The following COG6 variants were observed in gnomAD, a reference collection of about 807,000 sequenced individuals.
COG6 encodes the protein conserved oligomeric Golgi complex subunit 6.
COG6 carries 74 observed loss-of-function variants against 88.8 expected under a neutral mutation model. The observed-to-expected ratio is 0.83, with a 90% confidence interval of 0.69 to 1.01. The LOEUF is 1.01. Among genes scored for constraint, COG6 ranks in the 50% least tolerant of loss-of-function variants. The pLI is 0.00. For synonymous variants in COG6, 286 were observed against 278.7 expected (o/e 1.03, Z -0.26); for missense variants, 800 against 797.9 (o/e 1.00, Z -0.03).
intron 15 of COG6, among the ~76,000 whole-genome samples, chr13:39,722,310 TAA>T (rs558688717): frequency 4.9e-5 from 7 of 144,248 alleles, no homozygotes; most frequent in Non-Finnish European, 7.6e-5. Flanking sequence ...GGCATTTATT[TAA>T]AAAAAAAAAA....
intron 13 of COG6, among the ~76,000 whole-genome samples, chr13:39,716,281 C>T (rs1203723233): frequency 6.6e-6 from 1 of 151,920 alleles, no homozygotes; most frequent in African/African-American, 2.4e-5. Flanking sequence ...TCTGTTTTGT[C>T]TGATATTAGT....
At chr13:39,718,841 G>T (rs4294679) in intron 13 of COG6, among the ~76,000 whole-genome samples, 39,725 of 151,890 alleles carry the variant, frequency 0.26, 5,296 homozygotes, top group African/African-American at 0.33. Flanking sequence ...GGGCCTGAGA[G>T]TAGGTGACGT....
Position 39,689,756 on chromosome 13 carries a change from T to A in COG6, c.1010-4T>A. The A allele has an allele frequency of 6.3e-7, 1 of 1,597,888 alleles. No homozygotes were observed. The highest frequency in any genetic ancestry group is 1.7e-5 in the Admixed American group (1 of 59,850). ...AATATTAATTATGTAGTCATTAATT[T>A]TAGGTGTTGAAGAAAATATTCAAGA... On this transcript the variant is annotated splice_polypyrimidine_tract_variant and splice_region_variant and intron_variant, in intron 10 of 18. Transcript: ENST00000455146.
At chr13:39,737,728 C>T (rs770953040) in intron 18 of COG6, among the ~76,000 whole-genome samples, 2 of 151,994 alleles carry the variant, frequency 1.3e-5, no homozygotes, top group Non-Finnish European at 2.9e-5. Flanking sequence ...GAAGCTTGCC[C>T]AGGAATTAGA....
At chr13:39,733,419 G>A (rs534847470) in intron 18 of COG6, among the ~76,000 whole-genome samples, 108 of 152,090 alleles carry the variant, frequency 7.1e-4, no homozygotes, top group African/African-American at 2.4e-3. Context: ...TCAAACTCCT[G>A]ACCTTGTGAT....
chr13:39,694,561 A>AT, intron 11 of COG6, 73 bp from the exon 12 acceptor site: 1 of 899,664 alleles, frequency 1.1e-6, no homozygotes, highest in South Asian at 1.4e-5. Context: ...TATGCTATTC[A>AT]TACCATATGT....
At chr13:39,756,396 G>A (rs1880835410), downstream of COG6, among the ~76,000 whole-genome samples, 1 of 152,048 alleles carries the variant, frequency 6.6e-6, no homozygotes. Flanking sequence ...AGAGGCCTGT[G>A]GAGCACCGTC....
intron 11 of COG6, among the ~76,000 whole-genome samples, chr13:39,693,178 A>G (rs1203517605): frequency 6.6e-6 from 1 of 151,766 alleles, no homozygotes; most frequent in Non-Finnish European, 1.5e-5. Flanking sequence ...TCTCTGTTGT[A>G]TTTTGTATTG....
Position 39,699,538 on chromosome 13 carries a change from A to G in COG6, c.1204A>G (p.Thr402Ala), listed in dbSNP as rs375104118. The change falls in exon 13 of 19, where the codon ACC (threonine) becomes GCC (alanine). Residue 402 changes from threonine to alanine, a missense_variant. By Grantham distance (58) the Thr-to-Ala change is moderately conservative. Transcript: ENST00000455146. ...VGNSATALLT[T>A]IEEMHLLSKK... ...AAATAGTGCAACTGCATTATTGACTACCATTGAAGAAATGCATTTGCTAAG... is the reference window on the plus strand; with the variant it reads ...AAATAGTGCAACTGCATTATTGACTGCCATTGAAGAAATGCATTTGCTAAG... The G allele has an allele frequency of 1.2e-5, 19 of 1,595,066 alleles. No homozygotes were observed. The African/African-American group carries it at 2.0e-4, about 17-fold the overall frequency.
chr13:39,751,998 C>A lies in COG6; in HGVS notation c.*905C>A. Reference sequence around the variant, plus strand: ...ACTCAAACATTGGAGAAAAAAACTGCCAGAGGAGGAGTTGCCAATTGGCAG... The same window carrying A: ...ACTCAAACATTGGAGAAAAAAACTGACAGAGGAGGAGTTGCCAATTGGCAG... On this transcript the variant is annotated 3_prime_UTR_variant, in exon 19 of 19. Transcript: ENST00000455146. 8.0e-7 allele frequency: 1 copy of A among 1,246,074 alleles called. No homozygotes were observed. The highest frequency in any genetic ancestry group is 1.1e-6 in the Non-Finnish European group (1 of 951,250). The allele number at this position is 1,246,074 out of a possible 1,614,324, so 77.2% of individuals were successfully genotyped here.
At position 39,679,609 on chromosome 13, in the gene COG6, A is replaced by G. The variant is rs1440394737; in HGVS notation, c.612A>G (p.Gln204=). Residue 204 remains glutamine, a synonymous_variant, in exon 6 of 19, where the codon CAA becomes CAG. Transcript: ENST00000455146. ...NDVKVLLRTN[Q]QTAGLEIMEQ... is the part of the protein sequence containing the mutation. The stretch of plus-strand genomic sequence containing the variant: ...TCAAAGTTCTCTTGCGTACAAATCA[A>G]CAAACGGCAGGGTGAGTAACTGCTC... 1.3e-6 allele frequency: 2 copies of G among 1,599,958 alleles called. No individual in the cohort carries two copies. Among genetic ancestry groups the G allele is most frequent in the Non-Finnish European group, 1.7e-6 (2 of 1,167,318 alleles).
chr13:39,791,535 G>A (rs1881937989), exon 19 of COG6: 2 of 151,588 alleles, frequency 1.3e-5, no homozygotes, highest in Non-Finnish European at 2.9e-5. Context: ...AGAGATTTTT[G>A]CAAACTTCTA....
rs387906959 is a variant in COG6 at position 39,723,394 on chromosome 13, G to C, written c.1646G>C (p.Gly549Ala). 2 of 1,611,320 alleles carry C rather than the reference G, an allele frequency of 1.2e-6. No homozygotes were observed. The highest frequency in any genetic ancestry group is 2.2e-5 in the South Asian group (2 of 91,022). The change falls in exon 16 of 19, where the codon GGC becomes GCC. Residue 549 changes from glycine (G) to alanine (A), a missense_variant. Gly to Ala is a moderately conservative substitution (Grantham distance 60, BLOSUM62 0). Transcript: ENST00000455146. Reference sequence around the variant, plus strand: ...GCCTCTTATGTTTTAACTAGGGTAGGCTTGAGTTACATCTATAACACTGTA... The same window carrying C: ...GCCTCTTATGTTTTAACTAGGGTAGCCTTGAGTTACATCTATAACACTGTA... ...EQASYVLTRV[G>A]LSYIYNTVQQ...
intron 18 of COG6, among the ~76,000 whole-genome samples, chr13:39,777,938 C>T (rs1029854830): frequency 7.2e-5 from 11 of 152,172 alleles, no homozygotes; most frequent in African/African-American, 2.4e-4. Flanking sequence ...TACCCATTTA[C>T]TGAATATCCA....
intron 18 of COG6, among the ~76,000 whole-genome samples, chr13:39,736,561 C>T (rs1879754971): frequency 6.6e-6 from 1 of 151,626 alleles, no homozygotes; most frequent in Admixed American, 6.6e-5. Flanking sequence ...CATAGTGGTG[C>T]ATGCCTGTAA....
At chr13:39,658,880 A>G (rs150099679) in intron 1 of COG6, among the ~76,000 whole-genome samples, 196 of 152,328 alleles carry the variant, frequency 1.3e-3, no homozygotes, top group African/African-American at 4.3e-3. Flanking sequence ...ATCATTCCAG[A>G]GATAGTTAAT....
At chr13:39,661,836 T>C (rs982030849) in intron 3 of COG6, among the ~76,000 whole-genome samples, 3 of 151,618 alleles carry the variant, frequency 2.0e-5, no homozygotes, top group African/African-American at 7.2e-5. Context: ...TATTTCCTTT[T>C]CTCCTCTTTT....
chr13:39,673,419 A>G (rs982616826), intron 4 of COG6, among the ~76,000 whole-genome samples: 2 of 152,034 alleles, frequency 1.3e-5, no homozygotes, highest in Non-Finnish European at 2.9e-5. Flanking sequence ...TTTTATCTCT[A>G]TTGAGTTTTA....
chr13:39,753,176 G>A (rs1242784352), downstream of COG6, among the ~76,000 whole-genome samples: 1 of 152,180 alleles, frequency 6.6e-6, no homozygotes, highest in East Asian at 1.9e-4. Flanking sequence ...GGTCCTTTGA[G>A]AGGTGATTAG....
Sources: gnomAD v4.1 joint callset for allele counts (sites outside exome capture counted in the v4.1 genomes callset) on GRCh38, gnomAD v4.1.1 for gene constraint, MANE v1.5 for transcripts, NCBI Gene and HGNC (gene_info 2026-07-23, HGNC 2026-07-21) for gene names.